MAGI2: variants seen among roughly 807,000 people sequenced by gnomAD.
MAGI2 encodes the protein membrane-associated guanylate kinase, WW and PDZ domain-containing protein 2.
MAGI2 carries 35 observed loss-of-function variants against 133.3 expected under a neutral mutation model. The observed-to-expected ratio is 0.26, with a 90% confidence interval of 0.20 to 0.35. MAGI2 has a LOEUF of 0.35. Ranked by LOEUF, MAGI2 falls within the 10% of genes least tolerant of loss-of-function variation. The probability of loss-of-function intolerance (pLI) is 1.00; values close to 1 mark genes in which losing one functional copy is unlikely to be tolerated. For synonymous variants in MAGI2, 729 were observed against 710.6 expected (o/e 1.03, Z -0.41); for missense variants, 1,636 against 1,863.4 (o/e 0.88, Z 2.25).
intron 9 of MAGI2, among the ~76,000 whole-genome samples, chr7:78,258,010 A>T (rs2150955929): frequency 6.6e-6 from 1 of 152,330 alleles, no homozygotes; most frequent in South Asian, 2.1e-4. Flanking sequence ...TGAATAAAAC[A>T]ATTAACAGCA....
In MAGI2 at chr7:78,140,163, T is replaced by C. The variant is rs114566586; in HGVS notation, c.2846-4957A>G. ...ATCCAGCCAATGAACTCCTGTTATT[T>C]CTACCTTGGGTCAGTCCCCATAAAG... On this transcript the variant is annotated intron_variant, in intron 16 of 21. Transcript: ENST00000354212. 3.9e-3 allele frequency among the ~76,000 whole-genome samples: 590 copies of C among 152,350 alleles called. 4 individuals are homozygous for C. Among genetic ancestry groups the C allele is most frequent in the African/African-American group, 0.014 (570 of 41,578 alleles).
Position 78,723,458 on chromosome 7 carries a change from A to G in MAGI2, c.419-96219T>C, listed in dbSNP as rs529164555. ...AGTAAGCTTCTGACCAAATATTGCAAAACATTGATAAGGGACTGCTTCAAG... is the reference window on the plus strand; with the variant it reads ...AGTAAGCTTCTGACCAAATATTGCAGAACATTGATAAGGGACTGCTTCAAG... On this transcript the variant is annotated intron_variant, in intron 2 of 21. Coordinates refer to ENST00000354212, the MANE Select transcript of MAGI2 (RefSeq NM_012301.4). Among the ~76,000 whole-genome samples the G allele has an allele frequency of 9.8e-5, 15 of 152,374 alleles. No homozygotes were observed. In the East Asian group the frequency reaches 1.9e-3, roughly 20 times the overall value.
At chr7:78,804,108 G>A (rs1436835917) in intron 2 of MAGI2, among the ~76,000 whole-genome samples, 1 of 152,106 alleles carries the variant, frequency 6.6e-6, no homozygotes, top group Non-Finnish European at 1.5e-5. Context: ...TTTTACCACA[G>A]CAAAGTATTA....
intron 1 of MAGI2, among the ~76,000 whole-genome samples, chr7:79,181,131 G>A (rs1826580596): frequency 6.6e-6 from 1 of 151,812 alleles, no homozygotes; most frequent in African/African-American, 2.4e-5. Context: ...TACCATTCTG[G>A]AATCTGGAGA....
rs140307175 is a variant in MAGI2, at chr7:78,655,216, C to T, written c.419-27977G>A. Reference sequence around the variant, plus strand: ...ATAGTATTACTAAAACGCAAGACAACGGAAAACCTATTGTCAAAACCTGGA... The same window carrying T: ...ATAGTATTACTAAAACGCAAGACAATGGAAAACCTATTGTCAAAACCTGGA... On this transcript the variant is annotated intron_variant, in intron 2 of 21. Transcript: ENST00000354212. Among the ~76,000 whole-genome samples, 43 of 151,772 alleles carry T rather than the reference C, an allele frequency of 2.8e-4. No homozygotes were observed. In the East Asian group the frequency reaches 8.0e-3, roughly 28 times the overall value.
intron 9 of MAGI2, among the ~76,000 whole-genome samples, chr7:78,276,715 TATC>T (rs926790964): frequency 1.3e-5 from 2 of 152,334 alleles, no homozygotes; most frequent in East Asian, 1.9e-4. Context: ...AAATATACAA[TATC>T]ATCTTTATTT....
Position 78,507,037 on chromosome 7 carries a change from T to C in MAGI2, c.755-5250A>G, listed in dbSNP as rs139548764. Reference sequence around the variant, plus strand: ...TATTCATTCATTTCTTTATTCTTAATTAATCAAGCATTAAAGTAGCAAACA... The same window carrying C: ...TATTCATTCATTTCTTTATTCTTAACTAATCAAGCATTAAAGTAGCAAACA... On this transcript the variant is annotated intron_variant, in intron 4 of 21. Transcript: ENST00000354212. Among the ~76,000 whole-genome samples the C allele has an allele frequency of 2.0e-3, 307 of 152,290 alleles. 1 individual carries two copies. Among genetic ancestry groups the C allele is most frequent in the African/African-American group, 7.1e-3 (296 of 41,570 alleles).
intron 7 of MAGI2, among the ~76,000 whole-genome samples, chr7:78,353,597 CAGAG>C (rs1483698642): frequency 2.0e-5 from 3 of 152,154 alleles, no homozygotes; most frequent in African/African-American, 7.2e-5. Flanking sequence ...CGTAAATACT[CAGAG>C]GGAGAAAAGA....
chr7:78,063,592 G>T (rs151159241), intron 21 of MAGI2, among the ~76,000 whole-genome samples: 36 of 152,120 alleles, frequency 2.4e-4, no homozygotes, highest in Non-Finnish European at 3.8e-4. Context: ...ATCCCCCTTT[G>T]CCATTTAGCC....
intron 2 of MAGI2, among the ~76,000 whole-genome samples, chr7:78,997,199 T>C (rs1321837411): frequency 6.6e-6 from 1 of 152,186 alleles, no homozygotes; most frequent in Non-Finnish European, 1.5e-5. Context: ...TTGCCGATTT[T>C]GCATGCAGAA....
chr7:79,392,561 T>C (rs1844738674), intron 1 of MAGI2, among the ~76,000 whole-genome samples: 2 of 152,222 alleles, frequency 1.3e-5, no homozygotes, highest in Non-Finnish European at 2.9e-5. Flanking sequence ...CTTACTGGAG[T>C]GAGATGGTGT....
intron 2 of MAGI2, among the ~76,000 whole-genome samples, chr7:78,635,663 A>G (rs921357125): frequency 6.6e-6 from 1 of 152,178 alleles, no homozygotes. Flanking sequence ...TGCAAGCTGG[A>G]AAAAATAGAT....
chr7:78,740,651 A>T (rs1322232941), intron 2 of MAGI2, among the ~76,000 whole-genome samples: 7 of 152,236 alleles, frequency 4.6e-5, no homozygotes, highest in Non-Finnish European at 1.0e-4. Flanking sequence ...AGTTTTTAGC[A>T]TCACTGATAC....
At chr7:78,024,837 A>C (rs1808758317) in intron 21 of MAGI2, among the ~76,000 whole-genome samples, 1 of 152,098 alleles carries the variant, frequency 6.6e-6, no homozygotes, top group Non-Finnish European at 1.5e-5. Flanking sequence ...CAACTAACCT[A>C]ATTACCCTAC....
intron 2 of MAGI2, among the ~76,000 whole-genome samples, chr7:78,869,556 A>G (rs1474288035): frequency 1.3e-5 from 2 of 152,214 alleles, no homozygotes; most frequent in Non-Finnish European, 2.9e-5. Flanking sequence ...AAAGAAGTTT[A>G]ATTGACTCAC....
intron 1 of MAGI2, among the ~76,000 whole-genome samples, chr7:79,270,677 G>A (rs1834811282): frequency 6.6e-6 from 1 of 152,008 alleles, no homozygotes; most frequent in Non-Finnish European, 1.5e-5. Context: ...CACATGCCAG[G>A]ATCTCTGCCA....
chr7:79,227,603 T>C (rs1830967591), intron 1 of MAGI2, among the ~76,000 whole-genome samples: 1 of 152,208 alleles, frequency 6.6e-6, no homozygotes, highest in African/African-American at 2.4e-5. Flanking sequence ...AGCATATAAA[T>C]ATAATGTCAC....
At chr7:78,364,198 G>C (rs1793140559) in intron 7 of MAGI2, among the ~76,000 whole-genome samples, 1 of 152,180 alleles carries the variant, frequency 6.6e-6, no homozygotes, top group Non-Finnish European at 1.5e-5. Flanking sequence ...TCCTTAGTGA[G>C]ATTTTAAAAG....
intron 6 of MAGI2, among the ~76,000 whole-genome samples, chr7:78,446,818 A>G (rs769328488): frequency 2.0e-5 from 3 of 152,226 alleles, no homozygotes; most frequent in Non-Finnish European, 2.9e-5. Context: ...AGGCATTGCA[A>G]TTATGCTTAT....
Sources: gnomAD v4.1 joint callset for allele counts (sites outside exome capture counted in the v4.1 genomes callset) on GRCh38, gnomAD v4.1.1 for gene constraint, MANE v1.5 for transcripts, NCBI Gene and HGNC (gene_info 2026-07-23, HGNC 2026-07-21) for gene names.